The following LARP4B variants were observed in gnomAD, a reference collection of about 807,000 sequenced individuals.
The protein encoded by LARP4B is la-related protein 4B.
LARP4B carries 12 observed loss-of-function variants against 89.8 expected under a neutral mutation model. The observed-to-expected ratio is 0.13, with a 90% CI of 0.09 to 0.22. LARP4B has a LOEUF of 0.22. Among genes scored for constraint, LARP4B ranks in the 10% least tolerant of loss-of-function variants. The pLI is 1.00. For synonymous variants in LARP4B, 367 were observed against 363.3 expected, an observed-to-expected ratio of 1.01 and a Z score of -0.12; for missense variants, 757 against 947.7, an observed-to-expected ratio of 0.80 and a Z score of 2.64.
intron 3 of LARP4B, among the ~76,000 whole-genome samples, chr10:876,921 A>G (rs12764024): frequency 0.19 from 29,106 of 152,054 alleles, 2,953 homozygotes; most frequent in African/African-American, 0.22. Flanking sequence ...TGCCTGAAAA[A>G]TCAGCACCAC....
chr10:885,832 C>A (rs1835842174), intron 1 of LARP4B, 72 bp from the exon 2 acceptor site: 3 of 767,286 alleles, frequency 3.9e-6, no homozygotes, highest in African/African-American at 1.8e-5. Context: ...AAATTAAAAT[C>A]CTCAAGTTTT....
intron 1 of LARP4B, among the ~76,000 whole-genome samples, chr10:887,207 G>C (rs921074674): frequency 3.8e-4 from 58 of 152,152 alleles, no homozygotes; most frequent in African/African-American, 1.3e-3. Flanking sequence ...AGTAAGTCTA[G>C]AGATCTGATG....
intron 5 of LARP4B, among the ~76,000 whole-genome samples, chr10:846,016 A>T (rs556544216): frequency 2.6e-5 from 4 of 152,334 alleles, no homozygotes; most frequent in African/African-American, 9.6e-5. Flanking sequence ...CACCCCCATC[A>T]GCAAAAAGAA....
chr10:859,276 CAA>C (rs56896752), intron 5 of LARP4B, among the ~76,000 whole-genome samples: 1 of 141,468 alleles, frequency 7.1e-6, no homozygotes. Flanking sequence ...TATTCCATTT[CAA>C]AAAAAAAAAA....
chr10:855,550 TAA>T (rs369960306), intron 5 of LARP4B, among the ~76,000 whole-genome samples: 1 of 152,114 alleles, frequency 6.6e-6, no homozygotes, highest in Non-Finnish European at 1.5e-5. Flanking sequence ...ATTTATATAT[TAA>T]GTTTGCCACC....
At chr10:827,050 C>T (rs529029843) in intron 11 of LARP4B, among the ~76,000 whole-genome samples, 54 of 152,098 alleles carry the variant, frequency 3.6e-4, no homozygotes, top group African/African-American at 8.9e-4. Flanking sequence ...CAAGGGGGGG[C>T]GGATCAAAAG....
the LARP4B span, among the ~76,000 whole-genome samples, chr10:977,689 A>G: frequency 6.6e-6 from 1 of 152,208 alleles, no homozygotes; most frequent in East Asian, 1.9e-4. Flanking sequence ...CTATTTATAT[A>G]TCATTTACAT....
intron 11 of LARP4B, among the ~76,000 whole-genome samples, 179 bp downstream of exon 11, chr10:829,206 G>C (rs1232743975): frequency 2.0e-5 from 3 of 152,218 alleles, no homozygotes; most frequent in Non-Finnish European, 4.4e-5. Flanking sequence ...GCAATCCAAA[G>C]TTCTTTATGC....
At position 849,415 on chromosome 10, in the gene LARP4B, A is replaced by T. The variant is rs142338395; in HGVS notation, c.431-4360T>A. 4.6e-5 allele frequency among the ~76,000 whole-genome samples: 7 copies of T among 152,358 alleles called. No homozygotes were observed. In the East Asian group the frequency reaches 1.3e-3, roughly 29 times the overall value. On this transcript the variant is annotated intron_variant, in intron 5 of 17. Coordinates refer to ENST00000316157, the MANE Select transcript of LARP4B (RefSeq NM_015155.3). ...TCCTGATGGCCAAAGCTAGAAGAAC[A>T]ATTTGAGCAACAAAATAAAGCAGTA...
chr10:915,425 GA>G (rs35208084), intron 1 of LARP4B, among the ~76,000 whole-genome samples: 1 of 151,222 alleles, frequency 6.6e-6, no homozygotes, highest in African/African-American at 2.4e-5. Context: ...GAATAAGCTG[GA>G]AAAAAAAAGA....
At chr10:930,452 T>C (rs917942122) in intron 1 of LARP4B, among the ~76,000 whole-genome samples, 15 of 152,184 alleles carry the variant, frequency 9.9e-5, no homozygotes, top group African/African-American at 3.4e-4. Flanking sequence ...GAAAGCCAGA[T>C]AGGAGGTAGT....
At chr10:961,756 TG>T in the LARP4B span, among the ~76,000 whole-genome samples, 1 of 152,104 alleles carries the variant, frequency 6.6e-6, no homozygotes, top group East Asian at 1.9e-4. Context: ...AATGAGCTCT[TG>T]GGGGAACTCA....
chr10:909,282 C>T (rs542863869), intron 1 of LARP4B, among the ~76,000 whole-genome samples: 3 of 127,366 alleles, frequency 2.4e-5, no homozygotes, highest in African/African-American at 6.0e-5. Context: ...CGACAGAGCA[C>T]GACTCCGTCT....
chr10:813,343 C>CT (rs1421047442), intron 17 of LARP4B, 130 bp from the exon 18 acceptor site: 2 of 932,116 alleles, frequency 2.1e-6, no homozygotes. Flanking sequence ...GTGTTTTTAA[C>CT]TTTTAAAAAG....
intron 3 of LARP4B, among the ~76,000 whole-genome samples, chr10:876,806 G>A (rs187873367): frequency 6.3e-4 from 96 of 152,332 alleles, no homozygotes; most frequent in African/African-American, 2.3e-3. Context: ...CAGGCTCTCT[G>A]CAGTGGCTCT....
At chr10:948,297 A>C in the LARP4B span, among the ~76,000 whole-genome samples, 1 of 152,242 alleles carries the variant, frequency 6.6e-6, no homozygotes, top group Non-Finnish European at 1.5e-5. Context: ...TTGTATCTGG[A>C]GTACAGTGAC....
the LARP4B span, among the ~76,000 whole-genome samples, chr10:964,120 G>C: frequency 6.6e-6 from 1 of 152,204 alleles, no homozygotes; most frequent in African/African-American, 2.4e-5. Flanking sequence ...AGGCTAGAGT[G>C]CAGTGGCGTG....
At chr10:836,853 A>T (rs555344124) in intron 7 of LARP4B, among the ~76,000 whole-genome samples, 1 of 152,306 alleles carries the variant, frequency 6.6e-6, no homozygotes, top group South Asian at 2.1e-4. Flanking sequence ...TGGCTCCCTG[A>T]TGATCATCCC....
At position 836,704 on chromosome 10, in the gene LARP4B, G is replaced by C. The variant is rs145800397; in HGVS notation, c.647-198C>G. Among the ~76,000 whole-genome samples, 389 of 152,326 alleles carry C rather than the reference G, an allele frequency of 2.6e-3. 3 individuals are homozygous for C. Among genetic ancestry groups the C allele is most frequent in the East Asian group, 0.01 (52 of 5,192 alleles). ...AAATCCTGCAGGAGCCATAATGTATGTAACACTATGAAACAAAGGTTCTAA... is the reference window on the plus strand; with the variant it reads ...AAATCCTGCAGGAGCCATAATGTATCTAACACTATGAAACAAAGGTTCTAA... On this transcript the variant is annotated intron_variant, in intron 7 of 17. Coordinates refer to ENST00000316157, the MANE Select transcript of LARP4B (RefSeq NM_015155.3).
Sources: gnomAD v4.1 joint callset for allele counts (sites outside exome capture counted in the v4.1 genomes callset) on GRCh38, gnomAD v4.1.1 for gene constraint, MANE v1.5 for transcripts, NCBI Gene and HGNC (gene_info 2026-07-23, HGNC 2026-07-21) for gene names.